Variants in ZNF407 observed in about 807,000 individuals in gnomAD.
The protein encoded by ZNF407 is zinc finger protein 407.
A neutral mutation model predicts 131.2 loss-of-function variants in ZNF407; 17 were observed. The observed-to-expected ratio is 0.13, with a 90% confidence interval of 0.09 to 0.19. The LOEUF (loss-of-function observed/expected upper bound fraction) is 0.19, where lower values mean the gene tolerates loss of function less well. ZNF407 is among the 10% of genes least tolerant of loss of function. The probability of loss-of-function intolerance (pLI) is 1.00; values close to 1 mark genes in which losing one functional copy is unlikely to be tolerated. For missense variants in ZNF407, 2,681 were observed against 2,830.6 expected (o/e 0.95, Z 1.20); for synonymous variants, 1,156 against 1,062.0 (o/e 1.09, Z -1.72).
chr18:74,919,101 G>A (rs1940342218), intron 7 of ZNF407, among the ~76,000 whole-genome samples: 1 of 152,154 alleles, frequency 6.6e-6, no homozygotes, highest in Non-Finnish European at 1.5e-5. Context: ...CCCTCTGTCT[G>A]GGGAATACCT....
chr18:74,922,629 T>C (rs1001562197), intron 8 of ZNF407, among the ~76,000 whole-genome samples: 8 of 152,228 alleles, frequency 5.3e-5, no homozygotes, highest in Admixed American at 2.0e-4. Context: ...TGTGCAAATG[T>C]GCTATACCCT....
intron 3 of ZNF407, among the ~76,000 whole-genome samples, chr18:74,704,848 A>G (rs1967587208): frequency 6.6e-6 from 1 of 152,180 alleles, no homozygotes; most frequent in African/African-American, 2.4e-5. Flanking sequence ...AGCAGATAAC[A>G]CCCATACTAT....
intron 8 of ZNF407, among the ~76,000 whole-genome samples, chr18:75,056,370 C>T (rs951658813): frequency 2.0e-5 from 3 of 152,198 alleles, no homozygotes; most frequent in African/African-American, 7.2e-5. Context: ...ACCAACCAAC[C>T]TGTGTTCTTA....
chr18:74,995,727 G>A (rs1972773128), intron 8 of ZNF407, among the ~76,000 whole-genome samples: 1 of 152,106 alleles, frequency 6.6e-6, no homozygotes, highest in Non-Finnish European at 1.5e-5. Context: ...CTTTTTCTGG[G>A]CAGTTCATTC....
At chr18:74,817,633 T>C (rs1441232868) in intron 4 of ZNF407, among the ~76,000 whole-genome samples, 1 of 152,222 alleles carries the variant, frequency 6.6e-6, no homozygotes, top group African/African-American at 2.4e-5. Flanking sequence ...TGACACTATT[T>C]AAGATATTTG....
intron 3 of ZNF407, among the ~76,000 whole-genome samples, chr18:74,771,671 A>G (rs928566377): frequency 6.6e-6 from 1 of 152,054 alleles, no homozygotes; most frequent in Non-Finnish European, 1.5e-5. Flanking sequence ...AACTGGTGCA[A>G]TCTATCTCAA....
intron 3 of ZNF407, among the ~76,000 whole-genome samples, chr18:74,741,881 T>A (rs1968559474): frequency 6.6e-6 from 1 of 152,034 alleles, no homozygotes; most frequent in Non-Finnish European, 1.5e-5. Context: ...CCCAGTTGGA[T>A]TTTACAATTA....
At chr18:74,717,672 T>TA (rs1215380995) in intron 3 of ZNF407, among the ~76,000 whole-genome samples, 2 of 150,388 alleles carry the variant, frequency 1.3e-5, no homozygotes, top group Non-Finnish European at 3.0e-5. Context: ...CTAGAAACTT[T>TA]AAAAAAAATG....
intron 8 of ZNF407, among the ~76,000 whole-genome samples, chr18:75,031,182 A>T (rs1973235978): frequency 6.6e-6 from 1 of 152,222 alleles, no homozygotes; most frequent in Admixed American, 6.5e-5. Context: ...GCTGATTAAT[A>T]AGGGGAGTTC....
At chr18:74,716,046 G>A (rs2144857652) in intron 3 of ZNF407, among the ~76,000 whole-genome samples, 1 of 152,334 alleles carries the variant, frequency 6.6e-6, no homozygotes, top group African/African-American at 2.4e-5. Flanking sequence ...CTGGGTTTGA[G>A]TAGAGTAGGG....
At chr18:74,645,712 A>G (rs1386507689) in intron 3 of ZNF407, among the ~76,000 whole-genome samples, 2 of 151,064 alleles carry the variant, frequency 1.3e-5, no homozygotes, top group African/African-American at 2.4e-5. Context: ...AGGGATCTCT[A>G]TGTAGATGAT....
rs879683569 is a variant in ZNF407, at chr18:74,736,167, C to CT, written c.4803-45252dup. 2.1e-4 allele frequency among the ~76,000 whole-genome samples: 31 copies of CT among 151,062 alleles called. 1 individual carries two copies. The highest frequency in any genetic ancestry group is 1.3e-3 in the Admixed American group (19 of 15,152). On this transcript the variant is annotated intron_variant, in intron 3 of 8. Coordinates refer to ENST00000299687, the MANE Select transcript of ZNF407 (RefSeq NM_017757.3). The stretch of plus-strand genomic sequence containing the variant: ...TGTTTCACTCACCTTAATTTACATG[C>CT]TTTTTTTTTAATTTCAAGAAAAATA...
At chr18:74,969,952 A>G (rs1338285759) in intron 8 of ZNF407, among the ~76,000 whole-genome samples, 1 of 152,150 alleles carries the variant, frequency 6.6e-6, no homozygotes, top group African/African-American at 2.4e-5. Context: ...GACTGGGAAG[A>G]AAAGGAAGTT....
At chr18:74,878,075 TCA>T (rs1568251981) in intron 5 of ZNF407, among the ~76,000 whole-genome samples, 1 of 152,298 alleles carries the variant, frequency 6.6e-6, no homozygotes, top group East Asian at 1.9e-4. Context: ...GCCAGAACTC[TCA>T]GTTGGGCCCT....
intron 1 of ZNF407, among the ~76,000 whole-genome samples, chr18:74,606,378 G>GACAAA (rs1982806446): frequency 6.6e-6 from 1 of 152,018 alleles, no homozygotes; most frequent in South Asian, 2.1e-4. Flanking sequence ...TGACATAATG[G>GACAAA]AGATACCTAC....
intron 8 of ZNF407, among the ~76,000 whole-genome samples, chr18:75,029,499 A>T (rs1973212588): frequency 6.6e-6 from 1 of 152,150 alleles, no homozygotes; most frequent in Non-Finnish European, 1.5e-5. Flanking sequence ...GTTCGTTCTC[A>T]CTGCACAGTT....
At chr18:74,663,110 C>G (rs921800356) in intron 3 of ZNF407, among the ~76,000 whole-genome samples, 1 of 152,100 alleles carries the variant, frequency 6.6e-6, no homozygotes, top group Non-Finnish European at 1.5e-5. Context: ...ATTGTAACCT[C>G]TAGAAAGCAA....
intron 4 of ZNF407, among the ~76,000 whole-genome samples, chr18:74,811,163 C>G (rs1970188719): frequency 6.7e-6 from 1 of 149,480 alleles, no homozygotes; most frequent in Non-Finnish European, 1.5e-5. Flanking sequence ...ACAATGAACT[C>G]TAACAAATTT....
chr18:74,622,993 CGT>C (rs910508166), intron 1 of ZNF407, among the ~76,000 whole-genome samples: 3 of 150,124 alleles, frequency 2.0e-5, no homozygotes, highest in Non-Finnish European at 4.4e-5. Flanking sequence ...AATGTGAGTC[CGT>C]GTGTCTGTTA....
Sources: gnomAD v4.1 joint callset for allele counts (sites outside exome capture counted in the v4.1 genomes callset) on GRCh38, gnomAD v4.1.1 for gene constraint, MANE v1.5 for transcripts, NCBI Gene and HGNC (gene_info 2026-07-23, HGNC 2026-07-21) for gene names.